The following PPP1R37 variants were observed in gnomAD, a reference collection of about 807,000 sequenced individuals.
The protein encoded by PPP1R37 is leucine rich repeat containing 68.
In PPP1R37, 21 loss-of-function variants were observed where a neutral mutation model predicts 61.0. That is an observed-to-expected ratio of 0.34 (90% confidence interval 0.24 to 0.50). The LOEUF is 0.50. PPP1R37 is among the 20% of genes least tolerant of loss of function. The pLI is 0.98. For missense variants in PPP1R37, 910 were observed against 952.7 expected (o/e 0.96, Z 0.59); for synonymous variants, 443 against 433.5 (o/e 1.02, Z -0.27).
In PPP1R37 at chr19:45,140,251, G is replaced by A. The variant is rs201444862; in HGVS notation, c.316G>A (p.Gly106Arg). 124 of 1,535,954 alleles carry A rather than the reference G, an allele frequency of 8.1e-5. No individual in the cohort carries two copies. Among genetic ancestry groups the A allele is most frequent in the Admixed American group, 2.0e-4 (10 of 50,978 alleles). Reference sequence around the variant, plus strand: ...ACTTTCTCAGGAATTCACAGACCTCGGGCACCGCCTCGACTGTCTGGACCT... The same window carrying A: ...ACTTTCTCAGGAATTCACAGACCTCAGGCACCGCCTCGACTGTCTGGACCT... ...LRQLQEFTDL[G>R]HRLDCLDLKG... is the part of the protein sequence containing the mutation. Residue 106 changes from glycine (G) to arginine (R), a missense_variant, in exon 3 of 13, where the codon GGG becomes AGG. Gly to Arg is a moderately radical substitution (Grantham distance 125). Transcript: ENST00000221462.
rs1968592430 is a variant in PPP1R37, at chr19:45,140,226, ACTTT to A, written c.301-7_301-4del. On this transcript the variant is annotated splice_polypyrimidine_tract_variant and splice_region_variant and intron_variant, in intron 2 of 12. Transcript: ENST00000221462. ...TGTCTTCCTGCCTTAACCCCACTCT[ACTTT>A]CTCAGGAATTCACAGACCTCGGGCA... is the stretch of plus-strand genomic sequence containing the variant. 6.5e-7 allele frequency: 1 copy of A among 1,535,252 alleles called. No individual in the cohort carries two copies. The highest frequency in any genetic ancestry group is 8.7e-7 in the Non-Finnish European group (1 of 1,146,388).
Position 45,145,563 on chromosome 19 carries a change from C to G in PPP1R37, c.1507C>G (p.Pro503Ala). ...CGGGGCCCCCAGCCCCGCACCCAGCCCGGACTCAGACTCAGACTCGGACTC... is the reference window on the plus strand; with the variant it reads ...CGGGGCCCCCAGCCCCGCACCCAGCGCGGACTCAGACTCAGACTCGGACTC... The part of the protein sequence containing the change: ...QNGAPSPAPS[P>A]DSDSDSDSDG... The change falls in exon 11 of 13, where the codon CCG becomes GCG. Residue 503 changes from proline to alanine, a missense_variant. Physicochemically the swap from Pro to Ala is conservative, Grantham distance 27. Transcript: ENST00000221462. 4 of 1,535,440 alleles carry G rather than the reference C, an allele frequency of 2.6e-6. No individual in the cohort carries two copies. Among genetic ancestry groups the G allele is most frequent in the Non-Finnish European group, 3.5e-6 (4 of 1,146,620 alleles).
chr19:45,146,403 C>T lies in PPP1R37; in HGVS notation c.2007C>T (p.Ser669=). 2.0e-6 allele frequency: 3 copies of T among 1,535,758 alleles called. No individual in the cohort carries two copies. Among genetic ancestry groups the T allele is most frequent in the Non-Finnish European group, 2.6e-6 (3 of 1,146,826 alleles). ...CCTCCCACACAGAACTGAGCTGCTC[C>T]AAGAACGAGAAGGAGCTCGAGGAGC... is the stretch of plus-strand genomic sequence containing the variant. ...SCGLEHELSC[S]KNEKELEELL... is the part of the protein sequence containing the mutation. The change falls in exon 12 of 13, where the codon TCC becomes TCT. Residue 669 remains serine (S), a synonymous_variant. Transcript: ENST00000221462.
At chr19:45,127,338 G>A (rs1471577851) in intron 1 of PPP1R37, among the ~76,000 whole-genome samples, 1 of 105,352 alleles carries the variant, frequency 9.5e-6, no homozygotes, top group East Asian at 3.1e-4. Context: ...GGCAAGAAGA[G>A]TAAAACTCCA....
intron 1 of PPP1R37, among the ~76,000 whole-genome samples, chr19:45,114,022 C>T (rs757787206): frequency 1.3e-5 from 2 of 152,236 alleles, no homozygotes; most frequent in East Asian, 3.8e-4. Flanking sequence ...TCTGCAATAA[C>T]AGGGGCTTCC....
chr19:45,138,420 A>G (rs904176292), intron 1 of PPP1R37, 94 bp from the exon 2 acceptor site: 2 of 814,026 alleles, frequency 2.5e-6, no homozygotes, highest in Admixed American at 4.4e-5. Context: ...TGAAGAGGGC[A>G]GTATGGGCAG....
chr19:45,113,200 G>T (rs1422360021), intron 1 of PPP1R37, among the ~76,000 whole-genome samples: 1 of 152,226 alleles, frequency 6.6e-6, no homozygotes, highest in African/African-American at 2.4e-5. Context: ...TGAAGAGGGT[G>T]AGGGCAGGAA....
At chr19:45,127,991 AAAG>A (rs1568446807) in intron 1 of PPP1R37, among the ~76,000 whole-genome samples, 1 of 151,838 alleles carries the variant, frequency 6.6e-6, no homozygotes, top group Admixed American at 6.6e-5. Flanking sequence ...AAAAAAAAAA[AAAG>A]ATAAATGTTT....
intron 1 of PPP1R37, among the ~76,000 whole-genome samples, chr19:45,097,033 A>G (rs6509193): frequency 0.67 from 101,098 of 151,690 alleles, 34,636 homozygotes; most frequent in African/African-American, 0.75. Context: ...GGGGAGGACG[A>G]TGGAGTGGTT....
chr19:45,146,550 C>T (rs1968704078), intron 12 of PPP1R37, 21 bp from the exon 13 acceptor site: 2 of 1,134,290 alleles, frequency 1.8e-6, no homozygotes, highest in South Asian at 2.7e-5. Context: ...ACAGTCTCTC[C>T]CCCAATCTCT....
In PPP1R37 at chr19:45,114,728, C is replaced by G. The variant is rs147896566; in HGVS notation, c.202+21201C>G. ...TTGGGAGGCCGAGGCAGGAGGATCA[C>G]TTGAGGCCAGGAGTTCAAGACCACC... On this transcript the variant is annotated intron_variant, in intron 1 of 12. Coordinates refer to ENST00000221462, the MANE Select transcript of PPP1R37 (RefSeq NM_019121.2). Among the ~76,000 whole-genome samples the G allele has an allele frequency of 2.0e-3, 303 of 152,002 alleles. 2 individuals carry two copies. The highest frequency in any genetic ancestry group is 3.4e-3 in the Non-Finnish European group (231 of 67,958).
At chr19:45,101,124 G>A (rs1305014379) in intron 1 of PPP1R37, among the ~76,000 whole-genome samples, 1 of 152,198 alleles carries the variant, frequency 6.6e-6, no homozygotes, top group East Asian at 1.9e-4. Context: ...CAGCAAACCA[G>A]GCTTCTGAGG....
intron 1 of PPP1R37, among the ~76,000 whole-genome samples, chr19:45,110,904 G>A (rs539953016): frequency 1.3e-5 from 2 of 152,160 alleles, no homozygotes; most frequent in Non-Finnish European, 2.9e-5. Context: ...GAAGCCTGAG[G>A]CAGGTGGCCC....
chr19:45,103,448 G>A (rs186478793), intron 1 of PPP1R37, among the ~76,000 whole-genome samples: 6 of 152,320 alleles, frequency 3.9e-5, no homozygotes, highest in Middle Eastern at 3.4e-3. Context: ...CTTGGGACCC[G>A]CCGGGGTCGG....
chr19:45,146,181 C>T, intron 11 of PPP1R37, 132 bp downstream of exon 11: 1 of 1,089,256 alleles, frequency 9.2e-7, no homozygotes, highest in South Asian at 1.6e-5. Context: ...CAAAGTGGGG[C>T]TTAGTTCTCA....
At chr19:45,144,799 T>C in intron 8 of PPP1R37, 55 bp from the exon 9 acceptor site, 1 of 1,436,660 alleles carries the variant, frequency 7.0e-7, no homozygotes, top group South Asian at 1.3e-5. Flanking sequence ...CTTGGCCTCC[T>C]GGGTCTCCTC....
At chr19:45,142,502 C>T (rs1359246214) in intron 7 of PPP1R37, 44 bp downstream of exon 7, 1 of 1,522,888 alleles carries the variant, frequency 6.6e-7, no homozygotes, top group South Asian at 1.2e-5. Flanking sequence ...CACCCAGCAC[C>T]CACTCTGCCC....
chr19:45,141,453 T>G lies in PPP1R37; in HGVS notation c.567+12T>G, dbSNP rs1257551052. The G allele has an allele frequency of 7.2e-6, 11 of 1,533,438 alleles. No homozygotes were observed. Among genetic ancestry groups the G allele is most frequent in the Non-Finnish European group, 9.6e-6 (11 of 1,145,842 alleles). 95.0% of individuals were successfully genotyped at this position (1,533,438 alleles called of 1,614,324 possible). A position where few individuals can be genotyped will look rare whatever the true frequency, so the allele number is the denominator to read the frequency against. On this transcript the variant is annotated intron_variant, in intron 5 of 12. Transcript: ENST00000221462. ...ACATGATGCGCAAGGTGGGCGCCTC[T>G]CGGCTTCCAGGAAGAGGCAGCTCAG... is the stretch of plus-strand genomic sequence containing the variant.
intron 1 of PPP1R37, among the ~76,000 whole-genome samples, chr19:45,119,877 C>G (rs1968317756): frequency 6.6e-6 from 1 of 152,198 alleles, no homozygotes; most frequent in Non-Finnish European, 1.5e-5. Flanking sequence ...CCAGGAGGGG[C>G]TTTAGGGGCT....
Sources: gnomAD v4.1 joint callset for allele counts (sites outside exome capture counted in the v4.1 genomes callset) on GRCh38, gnomAD v4.1.1 for gene constraint, MANE v1.5 for transcripts, NCBI Gene and HGNC (gene_info 2026-07-23, HGNC 2026-07-21) for gene names.